The following TRPM2 variants were observed in gnomAD, a reference collection of about 807,000 sequenced individuals.
TRPM2 encodes transient receptor potential cation channel subfamily M member 2, also known as estrogen-responsive element-associated gene 1 protein.
A neutral mutation model predicts 174.0 loss-of-function variants in TRPM2; 161 were observed. The observed-to-expected ratio is 0.93, with a 90% confidence interval of 0.81 to 1.05. TRPM2 has a LOEUF of 1.05. Ranked by LOEUF, TRPM2 falls within the 50% of genes least tolerant of loss-of-function variation. The probability of loss-of-function intolerance (pLI) is 0.00; values close to 1 mark genes in which losing one functional copy is unlikely to be tolerated. For missense variants in TRPM2, 2,057 were observed against 2,038.0 expected (o/e 1.01, Z -0.18); for synonymous variants, 954 against 861.3 (o/e 1.11, Z -1.88).
intron 2 of TRPM2, among the ~76,000 whole-genome samples, chr21:44,356,787 G>C (rs2048075905): frequency 1.3e-5 from 2 of 152,218 alleles, no homozygotes; most frequent in South Asian, 2.1e-4. Context: ...GCTTAACAAG[G>C]GTGGATTATT....
At chr21:44,411,021 A>G (rs996874397) in intron 19 of TRPM2, among the ~76,000 whole-genome samples, 1 of 150,272 alleles carries the variant, frequency 6.7e-6, no homozygotes, top group Non-Finnish European at 1.5e-5. Context: ...TTTTGACCGC[A>G]CTGTCTTGGT....
Position 44,401,667 on chromosome 21 carries a change from T to C in TRPM2, c.2322-14T>C, listed in dbSNP as rs1209684238. 1.2e-6 allele frequency: 2 copies of C among 1,610,942 alleles called. No individual in the cohort carries two copies. Among genetic ancestry groups the C allele is most frequent in the African/African-American group, 1.3e-5 (1 of 74,928 alleles). ...CTGGTGGTCACTGTCTCCTCTCTGC[T>C]GTGACGGCCGCAGGGAGAAGAGGCT... is the stretch of plus-strand genomic sequence containing the variant. On this transcript the variant is annotated splice_polypyrimidine_tract_variant and intron_variant, in intron 15 of 31. Transcript: ENST00000397928.
At chr21:44,413,684 C>G (rs367938421) in intron 19 of TRPM2, among the ~76,000 whole-genome samples, 2 of 152,162 alleles carry the variant, frequency 1.3e-5, no homozygotes, top group African/African-American at 4.8e-5. Flanking sequence ...GCTCTGCCCC[C>G]GGGGCCTCCT....
chr21:44,374,998 A>G (rs2048652395), intron 5 of TRPM2, among the ~76,000 whole-genome samples: 1 of 151,636 alleles, frequency 6.6e-6, no homozygotes, highest in Non-Finnish European at 1.5e-5. Context: ...CTCAGCCTTG[A>G]CCTCCCGGGC....
At chr21:44,400,504 TG>T in intron 15 of TRPM2, 133 bp downstream of exon 15, 1 of 794,332 alleles carries the variant, frequency 1.3e-6, no homozygotes. Context: ...CCCTGGATCC[TG>T]GGGCTGTAGA....
chr21:44,364,717 G>A (rs1233700808), intron 3 of TRPM2, among the ~76,000 whole-genome samples: 1 of 152,172 alleles, frequency 6.6e-6, no homozygotes, highest in Non-Finnish European at 1.5e-5. Flanking sequence ...GGATAGCAGG[G>A]AGGCCCATGT....
At chr21:44,362,499 C>T (rs1336328016) in intron 2 of TRPM2, among the ~76,000 whole-genome samples, 1 of 149,102 alleles carries the variant, frequency 6.7e-6, no homozygotes, top group African/African-American at 2.5e-5. Context: ...GGTGACAGAG[C>T]GAGATTCCAT....
At chr21:44,424,434 C>T (rs1185916794) in intron 23 of TRPM2, among the ~76,000 whole-genome samples, 5 of 152,210 alleles carry the variant, frequency 3.3e-5, no homozygotes, top group Admixed American at 6.5e-5. Context: ...CTGTGGGAGG[C>T]GCATCAGCCT....
At chr21:44,406,441 G>T (rs916722576) in intron 18 of TRPM2, among the ~76,000 whole-genome samples, 153 bp from the exon 19 acceptor site, 2 of 152,126 alleles carry the variant, frequency 1.3e-5, no homozygotes, top group African/African-American at 4.8e-5. Context: ...ACGAGGGTGT[G>T]GGGGCAGCCC....
At chr21:44,392,079 C>T (rs1195828630) in intron 11 of TRPM2, among the ~76,000 whole-genome samples, 1 of 152,024 alleles carries the variant, frequency 6.6e-6, no homozygotes, top group African/African-American at 2.4e-5. Flanking sequence ...ATCCTCCCAC[C>T]TCAGCCTCCC....
At chr21:44,361,815 C>T (rs1416638797) in intron 2 of TRPM2, among the ~76,000 whole-genome samples, 3 of 152,086 alleles carry the variant, frequency 2.0e-5, no homozygotes, top group Non-Finnish European at 2.9e-5. Flanking sequence ...CTCAGGTGAT[C>T]CTCCCACCTC....
chr21:44,412,831 TC>T (rs1301372376), intron 19 of TRPM2, among the ~76,000 whole-genome samples: 2 of 152,094 alleles, frequency 1.3e-5, no homozygotes, highest in African/African-American at 4.8e-5. Context: ...TTTCAGCTCT[TC>T]TTTATTAATA....
At chr21:44,408,383 TG>T (rs1433983241) in intron 19 of TRPM2, among the ~76,000 whole-genome samples, 1 of 152,116 alleles carries the variant, frequency 6.6e-6, no homozygotes, top group Non-Finnish European at 1.5e-5. Context: ...TTTAAGTTTT[TG>T]TGGACGTGCT....
intron 4 of TRPM2, 108 bp from the exon 5 acceptor site, chr21:44,369,069 T>G: frequency 2.5e-6 from 3 of 1,204,178 alleles, no homozygotes; most frequent in Non-Finnish European, 3.4e-6. Flanking sequence ...AGCTCTGCGT[T>G]GTTGGGGGCG....
At chr21:44,425,023 G>A in intron 24 of TRPM2, 84 bp downstream of exon 24, 1 of 1,234,906 alleles carries the variant, frequency 8.1e-7, no homozygotes, top group Non-Finnish European at 1.1e-6. Flanking sequence ...GAGGCAGCTG[G>A]GGGTGGGGGG....
chr21:44,431,536 C>T (rs534275761), intron 27 of TRPM2, among the ~76,000 whole-genome samples: 11 of 152,266 alleles, frequency 7.2e-5, no homozygotes, highest in African/African-American at 2.6e-4. Flanking sequence ...GTGGTGCGAT[C>T]TTGGCTCACT....
intron 4 of TRPM2, among the ~76,000 whole-genome samples, chr21:44,368,882 G>A (rs1461800976): frequency 6.6e-6 from 1 of 152,226 alleles, no homozygotes; most frequent in Non-Finnish European, 1.5e-5. Context: ...GAGGAAGAGG[G>A]AAAGCAAAAT....
chr21:44,417,308 A>C (rs1307572750), intron 20 of TRPM2, among the ~76,000 whole-genome samples: 1 of 73,726 alleles, frequency 1.4e-5, no homozygotes, highest in Non-Finnish European at 2.6e-5. Context: ...CAGTGGGCAC[A>C]AGGGCGTGGC....
Position 44,437,082 on chromosome 21 carries a change from G to A in TRPM2, c.4082G>A (p.Gly1361Glu). The A allele has an allele frequency of 1.3e-6, 2 of 1,550,992 alleles. No individual in the cohort carries two copies. Among genetic ancestry groups the A allele is most frequent in the African/African-American group, 1.4e-5 (1 of 73,168 alleles). Residue 1361 changes from glycine to glutamate, a missense_variant, in exon 29 of 32, where the codon GGA becomes GAA. By Grantham distance (98) the Gly-to-Glu change is moderately conservative (BLOSUM62 -2). Coordinates refer to ENST00000397928, the MANE Select transcript of TRPM2 (RefSeq NM_003307.4). ...MVTRWRRNED[G>E]AICRKSIKKM... is the part of the protein sequence containing the mutation. ...CGCAGGTGGAGGCGGAACGAGGATG[G>A]AGCCATCTGCAGGAAGAGCATAAAG...
Sources: allele counts gnomAD v4.1 joint callset (sites outside exome capture counted in the v4.1 genomes callset), GRCh38; gene constraint gnomAD v4.1.1; transcripts MANE v1.5; gene names NCBI Gene and HGNC (gene_info 2026-07-23, HGNC 2026-07-21).